MAGI2: variants seen among roughly 807,000 people sequenced by gnomAD.
The protein encoded by MAGI2 is membrane associated guanylate kinase, WW and PDZ domain containing 2, also known as membrane-associated guanylate kinase, WW and PDZ domain-containing protein 2.
A neutral mutation model predicts 133.3 loss-of-function variants in MAGI2; 35 were observed. The observed-to-expected ratio is 0.26, with a 90% CI of 0.20 to 0.35. The LOEUF is 0.35. Ranked by LOEUF, MAGI2 falls within the 10% of genes least tolerant of loss-of-function variation. The pLI, the probability that MAGI2 is intolerant of heterozygous loss-of-function variation, is 1.00. For missense variants in MAGI2, 1,636 were observed against 1,863.4 expected (o/e 0.88, Z 2.25); for synonymous variants, 729 against 710.6 (o/e 1.03, Z -0.41).
intron 2 of MAGI2, among the ~76,000 whole-genome samples, chr7:78,650,416 G>A (rs1475820730): frequency 6.6e-6 from 1 of 152,088 alleles, no homozygotes; most frequent in Non-Finnish European, 1.5e-5. Context: ...ATGTGGGAGT[G>A]GCCTTCAAAA....
chr7:78,655,057 T>C (rs1812020056), intron 2 of MAGI2, among the ~76,000 whole-genome samples: 1 of 151,788 alleles, frequency 6.6e-6, no homozygotes, highest in Non-Finnish European at 1.5e-5. Flanking sequence ...GTGACTTTTA[T>C]ATATCGCATG....
intron 1 of MAGI2, among the ~76,000 whole-genome samples, chr7:79,235,171 G>A (rs1435997905): frequency 4.3e-4 from 65 of 152,220 alleles, no homozygotes; most frequent in East Asian, 1.2e-3. Context: ...CCAGCTGCGT[G>A]TTGGGAGAAC....
intron 9 of MAGI2, among the ~76,000 whole-genome samples, chr7:78,285,304 A>G (rs1796032299): frequency 6.6e-6 from 1 of 152,162 alleles, no homozygotes; most frequent in African/African-American, 2.4e-5. Context: ...TAAAATAGTT[A>G]CATAATACAG....
intron 1 of MAGI2, among the ~76,000 whole-genome samples, chr7:79,071,467 C>T (rs1041118641): frequency 6.6e-6 from 1 of 152,156 alleles, no homozygotes; most frequent in Non-Finnish European, 1.5e-5. Context: ...CTTATCAGAG[C>T]TCGAACGCTG....
At chr7:78,810,352 T>C (rs1391183991) in intron 2 of MAGI2, among the ~76,000 whole-genome samples, 1 of 152,104 alleles carries the variant, frequency 6.6e-6, no homozygotes, top group Non-Finnish European at 1.5e-5. Context: ...CGAAAGAATC[T>C]AGAATCAATA....
At chr7:78,862,881 T>C (rs1319918890) in intron 2 of MAGI2, among the ~76,000 whole-genome samples, 4 of 152,216 alleles carry the variant, frequency 2.6e-5, no homozygotes, top group Non-Finnish European at 4.4e-5. Flanking sequence ...AAAGAAGTTA[T>C]TTTAATATGT....
chr7:78,170,114 T>C (rs1414577148), intron 14 of MAGI2: 2 of 152,222 alleles, frequency 1.3e-5, no homozygotes, highest in Non-Finnish European at 2.9e-5. Flanking sequence ...CAGCTAGTAA[T>C]AGAGAAAGAA....
chr7:78,797,027 A>T (rs1047708219), intron 2 of MAGI2, among the ~76,000 whole-genome samples: 1 of 152,152 alleles, frequency 6.6e-6, no homozygotes, highest in Admixed American at 6.5e-5. Context: ...GGGTACAAAA[A>T]TACAGTTAGA....
At chr7:79,059,035 T>C in intron 1 of MAGI2, among the ~76,000 whole-genome samples, 2 of 152,208 alleles carry the variant, frequency 1.3e-5, no homozygotes, top group Middle Eastern at 3.4e-3. Flanking sequence ...AAAGATATTT[T>C]TAAGCAATAA....
intron 6 of MAGI2, among the ~76,000 whole-genome samples, chr7:78,384,560 C>A (rs1418936185): frequency 6.6e-6 from 1 of 152,084 alleles, no homozygotes; most frequent in Non-Finnish European, 1.5e-5. Context: ...AAATCAGCAA[C>A]ACATTTATCA....
At chr7:78,757,556 T>A (rs908972654) in intron 2 of MAGI2, among the ~76,000 whole-genome samples, 6 of 152,208 alleles carry the variant, frequency 3.9e-5, no homozygotes, top group African/African-American at 1.4e-4. Flanking sequence ...CGTTTTATTA[T>A]CTTGAACTCT....
At chr7:78,766,842 G>A (rs1379317364) in intron 2 of MAGI2, among the ~76,000 whole-genome samples, 1 of 152,154 alleles carries the variant, frequency 6.6e-6, no homozygotes, top group Non-Finnish European at 1.5e-5. Flanking sequence ...CCATCCTTGT[G>A]ATGAGAACTA....
chr7:79,337,922 G>C (rs1484935388), intron 1 of MAGI2, among the ~76,000 whole-genome samples: 4 of 152,222 alleles, frequency 2.6e-5, no homozygotes, highest in African/African-American at 9.6e-5. Context: ...ATGCTGAGCT[G>C]CATGCAAATG....
At chr7:78,579,991 A>G (rs2150805891) in intron 3 of MAGI2, among the ~76,000 whole-genome samples, 1 of 152,318 alleles carries the variant, frequency 6.6e-6, no homozygotes, top group South Asian at 2.1e-4. Flanking sequence ...TTGCAACTGA[A>G]TGAATGAACT....
intron 2 of MAGI2, among the ~76,000 whole-genome samples, chr7:78,912,748 C>CAT (rs749025459): frequency 0.011 from 1,583 of 142,688 alleles, 13 homozygotes; most frequent in Middle Eastern, 0.022. Flanking sequence ...ATATATCATT[C>CAT]ATATATATAT....
chr7:78,019,485 GC>G lies in MAGI2; in HGVS notation c.4197del (p.Leu1400TrpfsTer74). 1 of 980,076 alleles carries G rather than the reference GC, an allele frequency of 1.0e-6. No individual in the cohort carries two copies. 60.7% of individuals were successfully genotyped at this position (980,076 alleles called of 1,614,324 possible). On this transcript the variant is annotated frameshift_variant, in exon 22 of 22. Transcript: ENST00000354212. LOFTEE classifies it low-confidence loss of function (END_TRUNC). ...GCACCCGCCCTGCCCTCGGCCTCCA[GC>G]GCGCCGCTGCCGCCGCCGCCCGGGC... is the stretch of plus-strand genomic sequence containing the variant. ...FAGPGGGGSGALEAEGRAGAR... is the reference protein window; with the variant it reads ...FAGPGGGGSGXLEAEGRAGAR...
At chr7:78,693,033 G>GA (rs1817131976) in intron 2 of MAGI2, among the ~76,000 whole-genome samples, 1 of 152,150 alleles carries the variant, frequency 6.6e-6, no homozygotes, top group South Asian at 2.1e-4. Context: ...CATGTACGGT[G>GA]AAAATCTGAA....
At chr7:79,115,231 G>A (rs1819288744) in intron 1 of MAGI2, among the ~76,000 whole-genome samples, 2 of 152,156 alleles carry the variant, frequency 1.3e-5, no homozygotes, top group Non-Finnish European at 2.9e-5. Flanking sequence ...ACAGATAGAT[G>A]CTTTGGGACC....
intron 2 of MAGI2, among the ~76,000 whole-genome samples, chr7:78,695,979 A>G (rs1817473421): frequency 6.6e-6 from 1 of 152,016 alleles, no homozygotes; most frequent in African/African-American, 2.4e-5. Flanking sequence ...TCTGCTGCCC[A>G]GGTTGAAGTG....
Sources: allele counts gnomAD v4.1 joint callset (sites outside exome capture counted in the v4.1 genomes callset), GRCh38; gene constraint gnomAD v4.1.1; transcripts MANE v1.5; gene names NCBI Gene and HGNC (gene_info 2026-07-23, HGNC 2026-07-21).